The following NCAM2 variants were observed in gnomAD, a reference collection of about 807,000 sequenced individuals.
The protein encoded by NCAM2 is neural cell adhesion molecule 2, also known as N-CAM-2.
In NCAM2, 30 loss-of-function variants were observed where a neutral mutation model predicts 98.1. The observed-to-expected ratio is 0.31, with a 90% CI of 0.23 to 0.41. The LOEUF is 0.41. NCAM2 is among the 10% of genes least tolerant of loss of function. The pLI is 1.00. For missense variants in NCAM2, 867 were observed against 1,005.8 expected, an observed-to-expected ratio of 0.86 and a Z score of 1.87; for synonymous variants, 368 against 342.4, an observed-to-expected ratio of 1.07 and a Z score of -0.83.
chr21:21,032,458 A>G (rs781136759), intron 1 of NCAM2, among the ~76,000 whole-genome samples: 2 of 152,180 alleles, frequency 1.3e-5, no homozygotes, highest in Non-Finnish European at 2.9e-5. Flanking sequence ...ATTACAGGGT[A>G]CCTATGCATT....
intron 9 of NCAM2, among the ~76,000 whole-genome samples, chr21:21,408,848 A>G (rs1381490292): frequency 6.6e-6 from 1 of 152,072 alleles, no homozygotes; most frequent in Non-Finnish European, 1.5e-5. Context: ...ATTGTCATTA[A>G]AAACATTCAT....
chr21:21,286,014 G>A (rs1278631540), intron 3 of NCAM2, among the ~76,000 whole-genome samples: 1 of 151,938 alleles, frequency 6.6e-6, no homozygotes, highest in Non-Finnish European at 1.5e-5. Context: ...GAGAAATTGA[G>A]ATTGGAGTTG....
At chr21:21,130,799 T>G (rs2066917724) in intron 1 of NCAM2, among the ~76,000 whole-genome samples, 1 of 152,158 alleles carries the variant, frequency 6.6e-6, no homozygotes, top group African/African-American at 2.4e-5. Context: ...AAAATATGTT[T>G]CTGGGTGAAT....
intron 8 of NCAM2, among the ~76,000 whole-genome samples, chr21:21,368,071 T>C (rs1230572643): frequency 6.6e-6 from 1 of 151,854 alleles, no homozygotes; most frequent in African/African-American, 2.4e-5. Context: ...TTTATTATCA[T>C]AATATTTTAA....
intron 9 of NCAM2, among the ~76,000 whole-genome samples, chr21:21,387,605 T>C (rs1304544489): frequency 6.6e-6 from 1 of 152,194 alleles, no homozygotes; most frequent in African/African-American, 2.4e-5. Flanking sequence ...TCCTAAAACA[T>C]TGGTTAATTC....
At chr21:21,025,350 C>A (rs2064523558) in intron 1 of NCAM2, among the ~76,000 whole-genome samples, 1 of 152,048 alleles carries the variant, frequency 6.6e-6, no homozygotes, top group South Asian at 2.1e-4. Context: ...CTCCCAAAGT[C>A]CTGGGATTAC....
At chr21:21,530,307 ATT>A (rs1989607048) in intron 16 of NCAM2, among the ~76,000 whole-genome samples, 1 of 96,882 alleles carries the variant, frequency 1.0e-5, no homozygotes, top group Non-Finnish European at 2.0e-5. Flanking sequence ...ATTAAATTAA[ATT>A]ATATATAATT....
At position 21,379,601 on chromosome 21, in the gene NCAM2, G is replaced by T. The variant is rs114791734; in HGVS notation, c.1195+5588G>T. Among the ~76,000 whole-genome samples the T allele has an allele frequency of 8.1e-3, 1,228 of 152,060 alleles. 16 individuals carry two copies. Among genetic ancestry groups the T allele is most frequent in the African/African-American group, 0.028 (1,178 of 41,502 alleles). On this transcript the variant is annotated intron_variant, in intron 9 of 17. Transcript: ENST00000400546. ...TGTTATTGATTTCTAATTTAGTTCA[G>T]TTGTGCTCAGAAAACCCTGTATTTT...
chr21:21,017,933 A>T (rs564429038), intron 1 of NCAM2, among the ~76,000 whole-genome samples: 2 of 152,254 alleles, frequency 1.3e-5, no homozygotes, highest in African/African-American at 4.8e-5. Context: ...AGCTTGGGGA[A>T]ACCATTCTAT....
chr21:21,282,537 C>T (rs2072964741), intron 2 of NCAM2, among the ~76,000 whole-genome samples: 1 of 151,320 alleles, frequency 6.6e-6, no homozygotes, highest in Admixed American at 6.6e-5. Context: ...ATTGGAAAAC[C>T]ATGCAAGCCA....
chr21:21,510,949 C>T, intron 16 of NCAM2, among the ~76,000 whole-genome samples: 1 of 151,956 alleles, frequency 6.6e-6, no homozygotes, highest in Non-Finnish European at 1.5e-5. Context: ...AAGCAATATC[C>T]TGACTTCATA....
At position 20,998,476 on chromosome 21, in the gene NCAM2, AGC is replaced by A. The variant is rs2063958345; in HGVS notation, c.-87_-86del. Reference sequence around the variant, plus strand: ...CCGCGGGAGCGGCGGCGGCGGCTCTAGCAGAGGCGGCCGGGGCAGCGAAAGGT... The same window carrying A: ...CCGCGGGAGCGGCGGCGGCGGCTCTAAGAGGCGGCCGGGGCAGCGAAAGGT... On this transcript the variant is annotated 5_prime_UTR_variant, in exon 1 of 18. Transcript: ENST00000400546. The A allele has an allele frequency of 2.9e-6, 4 of 1,381,710 alleles. No homozygotes were observed. Among genetic ancestry groups the A allele is most frequent in the Non-Finnish European group, 4.0e-6 (4 of 1,000,494 alleles). The allele number at this position is 1,381,710 out of a possible 1,614,324, so 85.6% of individuals were successfully genotyped here. A position where few individuals can be genotyped will look rare whatever the true frequency, so the allele number is the denominator to read the frequency against.
At chr21:21,361,980 A>G (rs532929951) in intron 8 of NCAM2, among the ~76,000 whole-genome samples, 1 of 152,314 alleles carries the variant, frequency 6.6e-6, no homozygotes, top group South Asian at 2.1e-4. Flanking sequence ...ATTGAAGCAC[A>G]GATTATAGAA....
At chr21:21,378,414 C>T (rs1353718447) in intron 9 of NCAM2, among the ~76,000 whole-genome samples, 1 of 152,020 alleles carries the variant, frequency 6.6e-6, no homozygotes, top group Non-Finnish European at 1.5e-5. Flanking sequence ...TTGCATTCCC[C>T]TAATGATTAG....
chr21:21,337,835 A>G (rs1367669919), intron 7 of NCAM2, among the ~76,000 whole-genome samples: 1 of 152,084 alleles, frequency 6.6e-6, no homozygotes, highest in Non-Finnish European at 1.5e-5. Context: ...TAAAGTAAAT[A>G]TATTTACTTA....
At chr21:21,010,854 C>T (rs572190311) in intron 1 of NCAM2, among the ~76,000 whole-genome samples, 2 of 152,176 alleles carry the variant, frequency 1.3e-5, no homozygotes, top group Admixed American at 1.3e-4. Context: ...AGTAGAAACG[C>T]ATGCAGGGAG....
At chr21:21,161,502 TAAC>T (rs145292026) in intron 1 of NCAM2, among the ~76,000 whole-genome samples, 2,303 of 151,904 alleles carry the variant, frequency 0.015, 47 homozygotes, top group African/African-American at 0.053. Flanking sequence ...AAGCTGGACT[TAAC>T]AACAATCTCA....
At chr21:21,165,663 A>G (rs890554237) in intron 1 of NCAM2, among the ~76,000 whole-genome samples, 2 of 152,052 alleles carry the variant, frequency 1.3e-5, no homozygotes, top group Non-Finnish European at 2.9e-5. Flanking sequence ...CTTGGCATAC[A>G]CTCTCTTACA....
chr21:21,085,201 G>GTTT lies in NCAM2; in HGVS notation c.55+86592_55+86594dup, dbSNP rs11380838. Among the ~76,000 whole-genome samples, 6 of 147,986 alleles carry GTTT rather than the reference G, an allele frequency of 4.1e-5. No individual in the cohort carries two copies. In the East Asian group the frequency reaches 7.9e-4, roughly 19 times the overall value. On this transcript the variant is annotated intron_variant, in intron 1 of 17. Coordinates refer to ENST00000400546, the MANE Select transcript of NCAM2 (RefSeq NM_004540.5). The stretch of plus-strand genomic sequence containing the variant: ...TAACCATTATTTGTGTCTAGTTGGG[G>GTTT]TTTTTTTTTTTAATTATAAAGAATG...
Sources: gnomAD v4.1 joint callset for allele counts (sites outside exome capture counted in the v4.1 genomes callset) on GRCh38, gnomAD v4.1.1 for gene constraint, MANE v1.5 for transcripts, NCBI Gene and HGNC (gene_info 2026-07-23, HGNC 2026-07-21) for gene names.